AGBL4: variants seen among roughly 807,000 people sequenced by gnomAD.
The protein encoded by AGBL4 is AGBL carboxypeptidase 4.
In AGBL4, 58 loss-of-function variants were observed where a neutral mutation model predicts 66.4. That is an observed-to-expected ratio of 0.87 (90% CI 0.71 to 1.09). The LOEUF (loss-of-function observed/expected upper bound fraction) is 1.09. Ranked by LOEUF, AGBL4 falls within the 50% of genes least tolerant of loss-of-function variation. The pLI is 0.00. For missense variants in AGBL4, 579 were observed against 631.0 expected (o/e 0.92, Z 0.88); for synonymous variants, 234 against 222.9 (o/e 1.05, Z -0.44).
At chr1:49,367,701 C>A (rs1049543331) in intron 3 of AGBL4, among the ~76,000 whole-genome samples, 1 of 152,050 alleles carries the variant, frequency 6.6e-6, no homozygotes, top group Admixed American at 6.6e-5. Context: ...TGGGTTCTTA[C>A]GACGGAGGAA....
intron 3 of AGBL4, among the ~76,000 whole-genome samples, chr1:49,672,228 A>T (rs571381509): frequency 1.3e-5 from 2 of 152,244 alleles, no homozygotes; most frequent in Admixed American, 1.3e-4. Flanking sequence ...GTAAACTAAC[A>T]CAAGAACAGA....
At position 49,912,951 on chromosome 1, in the gene AGBL4, T is replaced by C. The variant is rs534963115; in HGVS notation, c.35-61433A>G. Among the ~76,000 whole-genome samples, 3 of 152,326 alleles carry C rather than the reference T, an allele frequency of 2.0e-5. No homozygotes were observed. The South Asian group carries it at 6.2e-4, about 32-fold the overall frequency. ...ATGAGGACAGAACTTTCATGACTAA[T>C]CACCTCTTAATGGTCCCCGCTCTTA... On this transcript the variant is annotated intron_variant, in intron 1 of 13. Transcript: ENST00000371839.
chr1:49,448,861 G>T (rs968032785), intron 3 of AGBL4, among the ~76,000 whole-genome samples: 2 of 151,000 alleles, frequency 1.3e-5, no homozygotes, highest in Non-Finnish European at 1.5e-5. Context: ...ACTAAGACAG[G>T]TGGGGACTTA....
intron 6 of AGBL4, among the ~76,000 whole-genome samples, chr1:48,831,397 C>T (rs1646549251): frequency 6.6e-6 from 1 of 152,170 alleles, no homozygotes; most frequent in Non-Finnish European, 1.5e-5. Context: ...CCAAGTGCTA[C>T]AGAGATGTAA....
At chr1:49,975,308 C>G (rs953431752) in intron 1 of AGBL4, among the ~76,000 whole-genome samples, 1 of 152,190 alleles carries the variant, frequency 6.6e-6, no homozygotes, top group Non-Finnish European at 1.5e-5. Context: ...CATACAAACT[C>G]TGTACCATTC....
rs75513417 is a variant in AGBL4 at position 48,686,766 on chromosome 1, G to A, written c.635-23525C>T. Reference sequence around the variant, plus strand: ...AGTTGCTTGATCTTGGTGAAGTCACGTCCTCGCTCTAAGCCTCAGTGTCCT... The same window carrying A: ...AGTTGCTTGATCTTGGTGAAGTCACATCCTCGCTCTAAGCCTCAGTGTCCT... On this transcript the variant is annotated intron_variant, in intron 6 of 13. Coordinates refer to ENST00000371839, the MANE Select transcript of AGBL4 (RefSeq NM_032785.4). 7.6e-4 allele frequency among the ~76,000 whole-genome samples: 116 copies of A among 152,178 alleles called. 1 individual carries two copies. The highest frequency in any genetic ancestry group is 2.7e-3 in the African/African-American group (111 of 41,478).
At chr1:48,785,126 C>T (rs1645380493) in intron 6 of AGBL4, among the ~76,000 whole-genome samples, 1 of 152,184 alleles carries the variant, frequency 6.6e-6, no homozygotes, top group Non-Finnish European at 1.5e-5. Context: ...CATCCCCCTC[C>T]ATAGACTAGC....
Position 49,648,545 on chromosome 1 carries a change from A to G in AGBL4, c.282+48768T>C, listed in dbSNP as rs143991840. ...GAACACCAAGCAGGATAAATGCCAG[A>G]AAATTAAACATAAGCTTATCATTTT... On this transcript the variant is annotated intron_variant, in intron 3 of 13. Transcript: ENST00000371839. Among the ~76,000 whole-genome samples, 428 of 152,198 alleles carry G rather than the reference A, an allele frequency of 2.8e-3. 1 individual carries two copies. Among genetic ancestry groups the G allele is most frequent in the Non-Finnish European group, 3.6e-3 (243 of 67,988 alleles).
intron 5 of AGBL4, among the ~76,000 whole-genome samples, chr1:49,018,840 G>C (rs1663021147): frequency 6.6e-6 from 1 of 152,016 alleles, no homozygotes; most frequent in Admixed American, 6.6e-5. Flanking sequence ...ATAATTGTTA[G>C]AGAACTCCCT....
intron 3 of AGBL4, among the ~76,000 whole-genome samples, chr1:49,529,836 TC>T (rs1650953813): frequency 6.6e-6 from 1 of 151,950 alleles, no homozygotes; most frequent in Admixed American, 6.6e-5. Flanking sequence ...AGATAAATGT[TC>T]CGGGACCTTA....
chr1:49,266,292 C>T (rs1643917564), intron 3 of AGBL4: 1 of 151,744 alleles, frequency 6.6e-6, no homozygotes, highest in Non-Finnish European at 1.5e-5. Flanking sequence ...GGGAGTTTAG[C>T]ATATCAAACA....
chr1:49,515,888 T>C (rs1265081276), intron 3 of AGBL4, among the ~76,000 whole-genome samples: 2 of 73,250 alleles, frequency 2.7e-5, no homozygotes, highest in Non-Finnish European at 4.9e-5. Flanking sequence ...GGGCCTGTTG[T>C]GGGGTGGGGG....
intron 1 of AGBL4, among the ~76,000 whole-genome samples, chr1:50,013,976 C>T (rs536698214): frequency 6.6e-6 from 1 of 152,178 alleles, no homozygotes; most frequent in Non-Finnish European, 1.5e-5. Context: ...CACTATTACA[C>T]ATTAATTGGT....
intron 4 of AGBL4, among the ~76,000 whole-genome samples, chr1:49,189,217 C>T (rs1647070503): frequency 6.6e-6 from 1 of 152,096 alleles, no homozygotes; most frequent in Admixed American, 6.6e-5. Context: ...CAGAGAGAAT[C>T]CTCCTTCTCA....
intron 6 of AGBL4, among the ~76,000 whole-genome samples, chr1:48,848,163 C>T (rs1646960566): frequency 6.6e-6 from 1 of 152,236 alleles, no homozygotes; most frequent in Non-Finnish European, 1.5e-5. Flanking sequence ...TGTTTGGGCT[C>T]AGCCTATCTT....
chr1:49,152,807 T>C (rs896448959), intron 4 of AGBL4, among the ~76,000 whole-genome samples: 1 of 152,148 alleles, frequency 6.6e-6, no homozygotes, highest in African/African-American at 2.4e-5. Context: ...AGTGTATTAA[T>C]AAAATTTCAC....
In AGBL4 at chr1:50,001,460, T is replaced by A. The variant is rs535845910; in HGVS notation, c.34+22303A>T. On this transcript the variant is annotated intron_variant, in intron 1 of 13. Transcript: ENST00000371839. ...GTGTGTGTCTGTATATGTGTGTGTG[T>A]CCGTATATGTGTGTGTCTATATATA... 1.3e-4 allele frequency among the ~76,000 whole-genome samples: 20 copies of A among 150,820 alleles called. No individual in the cohort carries two copies. In the South Asian group the frequency reaches 4.2e-3, roughly 32 times the overall value.
At chr1:49,190,424 C>CT (rs1460058655) in intron 4 of AGBL4, among the ~76,000 whole-genome samples, 1 of 152,118 alleles carries the variant, frequency 6.6e-6, no homozygotes, top group Non-Finnish European at 1.5e-5. Context: ...CTGAGCTTAA[C>CT]TTTTTATCAA....
chr1:49,607,364 T>A (rs1413084582), intron 3 of AGBL4, among the ~76,000 whole-genome samples: 1 of 152,180 alleles, frequency 6.6e-6, no homozygotes, highest in Non-Finnish European at 1.5e-5. Flanking sequence ...ATTTTTATTT[T>A]CTATTTTCTG....
Sources: allele counts gnomAD v4.1 joint callset (sites outside exome capture counted in the v4.1 genomes callset), GRCh38; gene constraint gnomAD v4.1.1; transcripts MANE v1.5; gene names NCBI Gene and HGNC (gene_info 2026-07-23, HGNC 2026-07-21).